Variants in CCDC171 observed in about 807,000 individuals in gnomAD.
CCDC171 encodes coiled-coil domain containing 171, also known as coiled-coil domain-containing protein 171.
CCDC171 carries 177 observed loss-of-function variants against 168.2 expected under a neutral mutation model. That is an observed-to-expected ratio of 1.05 (90% confidence interval 0.93 to 1.19). The LOEUF is 1.19. Ranked by LOEUF, CCDC171 falls within the 50% of genes most tolerant of loss-of-function variation. The pLI is 0.00. For missense variants in CCDC171, 1,991 were observed against 1,539.0 expected (o/e 1.29, Z -4.91); for synonymous variants, 687 against 540.8 (o/e 1.27, Z -3.75).
chr9:15,739,620 T>C (rs923080754), intron 16 of CCDC171, among the ~76,000 whole-genome samples: 3 of 152,192 alleles, frequency 2.0e-5, no homozygotes, highest in Non-Finnish European at 4.4e-5. Flanking sequence ...ATAAGCACTA[T>C]AATATTCAAA....
At chr9:15,745,465 T>C in intron 17 of CCDC171, 50 bp from the exon 18 acceptor site, 1 of 1,202,482 alleles carries the variant, frequency 8.3e-7, no homozygotes, top group Non-Finnish European at 1.2e-6. Flanking sequence ...TAAATATAGA[T>C]TTTAATAAAG....
At chr9:15,939,681 G>A (rs1021774956) in intron 25 of CCDC171, among the ~76,000 whole-genome samples, 16 of 151,886 alleles carry the variant, frequency 1.1e-4, no homozygotes, top group Middle Eastern at 3.4e-3. Flanking sequence ...CCACTTCCCC[G>A]AGCAGAATAA....
At chr9:16,007,906 C>A (rs1020042191) in intron 3 of CCDC171, among the ~76,000 whole-genome samples, 5 of 151,756 alleles carry the variant, frequency 3.3e-5, no homozygotes, top group Non-Finnish European at 7.4e-5. Context: ...GATTGACTTT[C>A]TTTGCCCATT....
intron 25 of CCDC171, among the ~76,000 whole-genome samples, chr9:15,923,718 T>C (rs1438045509): frequency 6.6e-6 from 1 of 151,540 alleles, no homozygotes; most frequent in Non-Finnish European, 1.5e-5. Flanking sequence ...AATTTAACAA[T>C]GTATATATAC....
Position 16,011,234 on chromosome 9 carries a change from A to T in CCDC171, n.369-9355A>T, listed in dbSNP as rs186327072. 2.9e-3 allele frequency among the ~76,000 whole-genome samples: 434 copies of T among 152,218 alleles called. 5 individuals carry two copies. Among genetic ancestry groups the T allele is most frequent in the Admixed American group, 4.1e-3 (63 of 15,284 alleles). On this transcript the variant is annotated intron_variant and non_coding_transcript_variant, in intron 3 of 9. Coordinates refer to the CCDC171 transcript ENST00000486641. ...GATGCTAAAATGCTGGGTTGGAAAG[A>T]CAGACACTGGGCCCCTGGATGGATT...
At chr9:15,795,746 C>G (rs1391331907) in intron 21 of CCDC171, among the ~76,000 whole-genome samples, 3 of 152,204 alleles carry the variant, frequency 2.0e-5, no homozygotes, top group Non-Finnish European at 4.4e-5. Flanking sequence ...CTCTGCCTAG[C>G]AGCTACATGA....
chr9:16,005,747 T>C (rs1314000886), intron 3 of CCDC171, among the ~76,000 whole-genome samples: 2 of 152,088 alleles, frequency 1.3e-5, no homozygotes, highest in African/African-American at 4.8e-5. Context: ...ACTACATTTT[T>C]TATAAGGGCC....
At chr9:15,657,036 C>T (rs1203917431) in intron 7 of CCDC171, 91 bp from the exon 8 acceptor site, 3 of 587,112 alleles carry the variant, frequency 5.1e-6, no homozygotes, top group Non-Finnish European at 8.4e-6. Flanking sequence ...GTCCACTAAT[C>T]TAAAGTGTTA....
chr9:15,761,728 C>T (rs62571269), intron 18 of CCDC171, among the ~76,000 whole-genome samples: 2 of 152,094 alleles, frequency 1.3e-5, no homozygotes, highest in African/African-American at 4.8e-5. Context: ...GACTGAGTAT[C>T]GTTTCTGGTG....
At chr9:15,587,646 C>A (rs926598342) in intron 4 of CCDC171, 2 of 456,514 alleles carry the variant, frequency 4.4e-6, no homozygotes, top group Non-Finnish European at 4.4e-6. Context: ...CCTTCTCCAG[C>A]GAAGACTAAA....
rs369584525 is a variant in CCDC171 at position 15,592,648 on chromosome 9, G to T, written c.543+1092G>T. Among the ~76,000 whole-genome samples the T allele has an allele frequency of 3.9e-5, 6 of 152,150 alleles. No individual in the cohort carries two copies. In the East Asian group the frequency reaches 9.7e-4, roughly 25 times the overall value. On this transcript the variant is annotated intron_variant, in intron 5 of 25. Transcript: ENST00000380701. The stretch of plus-strand genomic sequence containing the variant: ...AAGGGCTCCATTAGTGTGTGAATGG[G>T]GGAGGTTTCGGTGGTAACTGATATT...
rs1238517581 is a variant in CCDC171 at position 15,682,981 on chromosome 9, A to G, written c.1215+4085A>G. 2.0e-5 allele frequency among the ~76,000 whole-genome samples: 3 copies of G among 152,136 alleles called. No homozygotes were observed. The East Asian group carries it at 5.8e-4, about 29-fold the overall frequency. On this transcript the variant is annotated intron_variant, in intron 10 of 25. Transcript: ENST00000380701. Reference sequence around the variant, plus strand: ...TTTAGACATTACTGTGAGTTTTTATATCTGCTTCTCTTGAAGCAGGGGAGC... The same window carrying G: ...TTTAGACATTACTGTGAGTTTTTATGTCTGCTTCTCTTGAAGCAGGGGAGC...
At chr9:15,796,400 A>T (rs1002791021) in intron 21 of CCDC171, among the ~76,000 whole-genome samples, 5 of 152,248 alleles carry the variant, frequency 3.3e-5, no homozygotes, top group African/African-American at 1.2e-4. Context: ...CTATAAACAT[A>T]GTAATGAGAT....
intron 18 of CCDC171, among the ~76,000 whole-genome samples, chr9:15,751,429 A>G (rs1170459469): frequency 6.6e-6 from 1 of 152,218 alleles, no homozygotes; most frequent in Non-Finnish European, 1.5e-5. Context: ...AAACTACTTT[A>G]AATTTCATAC....
At chr9:15,629,643 C>G (rs1050319329) in intron 7 of CCDC171, among the ~76,000 whole-genome samples, 61 of 152,164 alleles carry the variant, frequency 4.0e-4, no homozygotes, top group Non-Finnish European at 6.6e-4. Context: ...TCTAGCAAGG[C>G]AGGCCAACAT....
chr9:15,843,352 T>C (rs1357378699), intron 21 of CCDC171, among the ~76,000 whole-genome samples: 1 of 152,118 alleles, frequency 6.6e-6, no homozygotes, highest in African/African-American at 2.4e-5. Flanking sequence ...AATATTTTTT[T>C]CTGCTCTTTA....
In CCDC171 at chr9:15,947,815, AT is replaced by A. The variant is rs920429397; in HGVS notation, c.3754-23787del. ...CAAGTATGCTTCCATATTTTTTTTA[AT>A]TTTTTTATTTTTTTTTAATTTATTA... On this transcript the variant is annotated intron_variant, in intron 25 of 25. Transcript: ENST00000380701. 4.6e-4 allele frequency among the ~76,000 whole-genome samples: 69 copies of A among 149,678 alleles called. 1 individual carries two copies. The highest frequency in any genetic ancestry group is 1.6e-3 in the African/African-American group (66 of 40,362).
intron 3 of CCDC171, among the ~76,000 whole-genome samples, chr9:16,012,657 T>C (rs1832901350): frequency 6.6e-6 from 1 of 152,088 alleles, no homozygotes; most frequent in Admixed American, 6.5e-5. Flanking sequence ...TACAATTTTG[T>C]ATCAGACTCT....
At chr9:15,796,407 A>G (rs565910429) in intron 21 of CCDC171, among the ~76,000 whole-genome samples, 28 of 152,364 alleles carry the variant, frequency 1.8e-4, no homozygotes, top group African/African-American at 5.8e-4. Flanking sequence ...CATAGTAATG[A>G]GATGACAGAA....
Sources: allele counts gnomAD v4.1 joint callset (sites outside exome capture counted in the v4.1 genomes callset), GRCh38; gene constraint gnomAD v4.1.1; transcripts MANE v1.5; gene names NCBI Gene and HGNC (gene_info 2026-07-23, HGNC 2026-07-21).